SYNPO2: variants seen among roughly 807,000 people sequenced by gnomAD.
The protein encoded by SYNPO2 is synaptopodin-2.
SYNPO2 carries 56 observed loss-of-function variants against 85.0 expected under a neutral mutation model. The observed-to-expected ratio is 0.66, with a 90% CI of 0.53 to 0.82. The LOEUF (loss-of-function observed/expected upper bound fraction) is 0.82. Among genes scored for constraint, SYNPO2 ranks in the 40% least tolerant of loss-of-function variants. The pLI is 0.00. For missense variants in SYNPO2, 1,575 were observed against 1,534.2 expected (o/e 1.03, Z -0.44); for synonymous variants, 602 against 591.1 (o/e 1.02, Z -0.27).
chr4:118,957,758 A>G (rs1474748942), intron 1 of SYNPO2, among the ~76,000 whole-genome samples: 2 of 152,198 alleles, frequency 1.3e-5, no homozygotes, highest in African/African-American at 4.8e-5. Context: ...AATACATGTT[A>G]TCCTCACAAC....
In SYNPO2 at chr4:119,031,135, C is replaced by G. The variant is rs1738233153; in HGVS notation, c.2360C>G (p.Thr787Ser). Residue 787 changes from threonine to serine, a missense_variant, in exon 4 of 5, where the codon ACC becomes AGC. Transcript: ENST00000307142. Reference protein sequence around the residue: ...SPVWSPGVAPTQPPAFPTSNP... With the variant: ...SPVWSPGVAPSQPPAFPTSNP... ...GTCTGGTCTCCAGGAGTGGCTCCCA[C>G]CCAACCTCCTGCCTTCCCCACATCC... 1 of 1,614,136 alleles carries G rather than the reference C, an allele frequency of 6.2e-7. No individual in the cohort carries two copies. The highest frequency in any genetic ancestry group is 8.5e-7 in the Non-Finnish European group (1 of 1,180,034).
At chr4:118,942,052 A>G (rs1734330291) in intron 1 of SYNPO2, among the ~76,000 whole-genome samples, 1 of 152,112 alleles carries the variant, frequency 6.6e-6, no homozygotes, top group Non-Finnish European at 1.5e-5. Context: ...GGTTAGGGAG[A>G]TGGACTCACT....
chr4:118,940,880 C>G (rs183341381), intron 1 of SYNPO2, among the ~76,000 whole-genome samples: 323 of 137,584 alleles, frequency 2.3e-3, no homozygotes, highest in African/African-American at 8.3e-3. Flanking sequence ...TCCTCTTGTT[C>G]CTGTTGATTC....
intron 1 of SYNPO2, among the ~76,000 whole-genome samples, chr4:118,931,392 A>C (rs1733929589): frequency 1.3e-5 from 2 of 152,156 alleles, no homozygotes; most frequent in Admixed American, 1.3e-4. Context: ...CAATTCCCCA[A>C]ATATCTAGAG....
chr4:118,899,081 C>A (rs1361588531), intron 1 of SYNPO2, among the ~76,000 whole-genome samples: 1 of 152,206 alleles, frequency 6.6e-6, no homozygotes, highest in Non-Finnish European at 1.5e-5. Context: ...CCTTGAGCTC[C>A]CACGTGCAGC....
At chr4:119,009,313 G>A (rs920837527) in intron 1 of SYNPO2, among the ~76,000 whole-genome samples, 5 of 152,194 alleles carry the variant, frequency 3.3e-5, no homozygotes, top group Admixed American at 6.5e-5. Context: ...AACCCAGAGA[G>A]TCTTGGCTTT....
At chr4:118,950,336 T>C (rs1368803370) in intron 1 of SYNPO2, among the ~76,000 whole-genome samples, 2 of 152,132 alleles carry the variant, frequency 1.3e-5, no homozygotes, top group African/African-American at 2.4e-5. Flanking sequence ...ATTGAAAAGA[T>C]AGTTTGCTAC....
intron 1 of SYNPO2, among the ~76,000 whole-genome samples, chr4:118,880,070 A>G (rs1252858418): frequency 6.6e-6 from 1 of 152,160 alleles, no homozygotes; most frequent in Non-Finnish European, 1.5e-5. Flanking sequence ...TAGGCTTTAC[A>G]AAACTGGGAA....
intron 1 of SYNPO2, among the ~76,000 whole-genome samples, chr4:118,964,136 A>T (rs1338836941): frequency 6.6e-6 from 1 of 152,140 alleles, no homozygotes; most frequent in Non-Finnish European, 1.5e-5. Context: ...GGGGATAAAG[A>T]TAAATAATAG....
intron 1 of SYNPO2, among the ~76,000 whole-genome samples, chr4:118,959,284 A>G (rs1312185307): frequency 6.6e-6 from 1 of 152,192 alleles, no homozygotes; most frequent in Admixed American, 6.5e-5. Flanking sequence ...CCTAAACTTA[A>G]CTTTGAACGT....
chr4:119,040,122 CA>C (rs1322031348), intron 4 of SYNPO2, among the ~76,000 whole-genome samples: 2 of 152,206 alleles, frequency 1.3e-5, no homozygotes, highest in Non-Finnish European at 2.9e-5. Flanking sequence ...GTATATAAAA[CA>C]CTGCCTGGCA....
At chr4:118,894,981 G>T (rs964755585) in intron 1 of SYNPO2, among the ~76,000 whole-genome samples, 1 of 152,196 alleles carries the variant, frequency 6.6e-6, no homozygotes, top group Non-Finnish European at 1.5e-5. Context: ...AAGTTTTCAT[G>T]ACTAACATAC....
chr4:119,008,693 T>G (rs1297567048), intron 1 of SYNPO2, among the ~76,000 whole-genome samples: 1 of 152,128 alleles, frequency 6.6e-6, no homozygotes, highest in African/African-American at 2.4e-5. Flanking sequence ...TCTCAAGAAA[T>G]TAACATTTAT....
intron 1 of SYNPO2, among the ~76,000 whole-genome samples, chr4:118,901,964 A>C (rs1463739122): frequency 6.6e-6 from 1 of 152,218 alleles, no homozygotes; most frequent in Non-Finnish European, 1.5e-5. Context: ...AGTTGGGGGA[A>C]GAGCCTTCCA....
chr4:118,916,129 T>C (rs1470643567), intron 1 of SYNPO2, among the ~76,000 whole-genome samples: 1 of 151,932 alleles, frequency 6.6e-6, no homozygotes, highest in Non-Finnish European at 1.5e-5. Context: ...TTAAGGTTTC[T>C]TTTGATGAAT....
At chr4:118,973,512 C>T (rs972845385) in intron 1 of SYNPO2, among the ~76,000 whole-genome samples, 1 of 151,972 alleles carries the variant, frequency 6.6e-6, no homozygotes, top group Non-Finnish European at 1.5e-5. Flanking sequence ...TCAGGTTTGG[C>T]TAACCACCAT....
At chr4:118,923,363 G>T (rs2149129313) in intron 1 of SYNPO2, among the ~76,000 whole-genome samples, 1 of 152,086 alleles carries the variant, frequency 6.6e-6, no homozygotes, top group African/African-American at 2.4e-5. Flanking sequence ...TGAACACAAA[G>T]AAGGAAACAA....
intron 1 of SYNPO2, among the ~76,000 whole-genome samples, chr4:118,944,451 A>G (rs1457037619): frequency 6.6e-6 from 1 of 152,218 alleles, no homozygotes; most frequent in Admixed American, 6.5e-5. Flanking sequence ...CAAAATAAAT[A>G]AAATAAATGG....
Position 118,976,015 on chromosome 4 carries a change from C to T in SYNPO2, c.106-47415C>T, listed in dbSNP as rs563524045. 5.9e-5 allele frequency among the ~76,000 whole-genome samples: 9 copies of T among 152,340 alleles called. No homozygotes were observed. The South Asian group carries it at 1.4e-3, about 25-fold the overall frequency. ...TGCCATTTATTAATAGACTCCCTGT[C>T]CCCTACCAGAGCTTTTGAAATCTTT... is the stretch of plus-strand genomic sequence containing the variant. On this transcript the variant is annotated intron_variant, in intron 1 of 4. Transcript: ENST00000307142.
Sources: gnomAD v4.1 joint callset for allele counts (sites outside exome capture counted in the v4.1 genomes callset) on GRCh38, gnomAD v4.1.1 for gene constraint, MANE v1.5 for transcripts, NCBI Gene and HGNC (gene_info 2026-07-23, HGNC 2026-07-21) for gene names.